Variants in GDPD4 observed in about 807,000 individuals in gnomAD.
GDPD4 encodes the protein glycerophosphodiester phosphodiesterase domain containing 4.
A neutral mutation model predicts 67.8 loss-of-function variants in GDPD4; 60 were observed. The observed-to-expected ratio is 0.88, with a 90% CI of 0.72 to 1.10. The LOEUF (loss-of-function observed/expected upper bound fraction) is 1.10, where lower values mean the gene tolerates loss of function less well. Ranked by LOEUF, GDPD4 falls within the 50% of genes least tolerant of loss-of-function variation. The pLI, the probability that GDPD4 is intolerant of heterozygous loss-of-function variation, is 0.00. For synonymous variants in GDPD4, 212 were observed against 210.9 expected (o/e 1.00, Z -0.04); for missense variants, 623 against 613.9 (o/e 1.01, Z -0.16).
chr11:77,218,297 T>TTTGA (rs1478667147), intron 16 of GDPD4, among the ~76,000 whole-genome samples: 1 of 152,226 alleles, frequency 6.6e-6, no homozygotes, highest in East Asian at 1.9e-4. Flanking sequence ...TGAAGGCTTT[T>TTTGA]TTGATTAAAG....
chr11:77,233,446 G>GAAAA (rs34507126), intron 13 of GDPD4, among the ~76,000 whole-genome samples: 8 of 100,392 alleles, frequency 8.0e-5, no homozygotes, highest in African/African-American at 1.3e-4. Flanking sequence ...AAAACATATT[G>GAAAA]AAAAAAAAAA....
chr11:77,237,364 CAATCT>C (rs1958587571), intron 13 of GDPD4, among the ~76,000 whole-genome samples: 1 of 152,080 alleles, frequency 6.6e-6, no homozygotes, highest in Non-Finnish European at 1.5e-5. Context: ...GTTTGATCTG[CAATCT>C]AATCCTTTGT....
intron 15 of GDPD4, 46 bp downstream of exon 15, chr11:77,229,100 TAATC>T (rs1194097397): frequency 4.8e-6 from 4 of 827,372 alleles, no homozygotes; most frequent in African/African-American, 1.7e-5. Context: ...TTTCCTATAA[TAATC>T]CATTTATTTT....
At chr11:77,261,296 G>C (rs139908223) in intron 10 of GDPD4, among the ~76,000 whole-genome samples, 1 of 151,596 alleles carries the variant, frequency 6.6e-6, no homozygotes, top group Non-Finnish European at 1.5e-5. Flanking sequence ...GGAGTGTAGC[G>C]GTGCCATCTC....
chr11:77,272,853 C>T (rs1353920959), intron 5 of GDPD4, among the ~76,000 whole-genome samples: 3 of 151,926 alleles, frequency 2.0e-5, no homozygotes, highest in Non-Finnish European at 2.9e-5. Flanking sequence ...TTTCCTCTCC[C>T]GTATTAGTAT....
intron 5 of GDPD4, among the ~76,000 whole-genome samples, chr11:77,272,647 A>T (rs1591566282): frequency 6.6e-6 from 1 of 152,176 alleles, no homozygotes; most frequent in South Asian, 2.1e-4. Flanking sequence ...GTGGTTGCAC[A>T]CAACTGTAGT....
At chr11:77,220,591 G>C (rs1257024482) in intron 16 of GDPD4, among the ~76,000 whole-genome samples, 1 of 152,188 alleles carries the variant, frequency 6.6e-6, no homozygotes, top group Non-Finnish European at 1.5e-5. Flanking sequence ...TTGATGTGCT[G>C]CTGGATTCGG....
intron 5 of GDPD4, among the ~76,000 whole-genome samples, chr11:77,272,533 T>C (rs961284572): frequency 6.6e-6 from 1 of 152,132 alleles, no homozygotes; most frequent in Non-Finnish European, 1.5e-5. Flanking sequence ...CCCAGCACTT[T>C]GGGAGGCTGA....
At chr11:77,295,362 C>T (rs1038362019) in intron 1 of GDPD4, among the ~76,000 whole-genome samples, 10 of 151,794 alleles carry the variant, frequency 6.6e-5, no homozygotes, top group African/African-American at 2.4e-4. Flanking sequence ...CCAGGTGTGG[C>T]AGGTCATGCC....
chr11:77,251,694 T>A (rs1165056333), intron 11 of GDPD4, among the ~76,000 whole-genome samples: 1 of 152,206 alleles, frequency 6.6e-6, no homozygotes, highest in Admixed American at 6.5e-5. Context: ...TGGGATTGAA[T>A]CTATTTGGGA....
chr11:77,276,317 G>T, intron 4 of GDPD4, 97 bp from the exon 5 acceptor site: 1 of 882,812 alleles, frequency 1.1e-6, no homozygotes, highest in Non-Finnish European at 1.9e-6. Flanking sequence ...TCACAGTCTA[G>T]CAGTACACTC....
At chr11:77,265,700 T>C (rs1352718884) in intron 10 of GDPD4, among the ~76,000 whole-genome samples, 1 of 152,176 alleles carries the variant, frequency 6.6e-6, no homozygotes. Flanking sequence ...CATGAACTTA[T>C]TTGTATATTT....
chr11:77,234,689 A>G (rs1958517133), intron 13 of GDPD4, among the ~76,000 whole-genome samples: 1 of 152,166 alleles, frequency 6.6e-6, no homozygotes, highest in African/African-American at 2.4e-5. Context: ...ATTCTTTCTT[A>G]TGGCTGCATA....
chr11:77,270,024 A>C lies in GDPD4; in HGVS notation c.401-64T>G, dbSNP rs1959200906. ...TGTCCCCTTTAAGCCCTTGCCCCAG[A>C]AATACTTTCTAAAATTTACCCTCCA... is the stretch of plus-strand genomic sequence containing the variant. On this transcript the variant is annotated intron_variant, in intron 7 of 16. Coordinates refer to ENST00000315938, the MANE Select transcript of GDPD4 (RefSeq NM_182833.3). 4 of 785,248 alleles carry C rather than the reference A, an allele frequency of 5.1e-6. No individual in the cohort carries two copies. The East Asian group carries it at 1.0e-4, about 20-fold the overall frequency. The allele number at this position is 785,248 out of a possible 1,614,324, so 48.6% of individuals were successfully genotyped here.
chr11:77,293,022 A>T (rs1272228341), intron 1 of GDPD4, among the ~76,000 whole-genome samples: 4 of 152,124 alleles, frequency 2.6e-5, no homozygotes, highest in African/African-American at 9.7e-5. Context: ...AAGAAAAAAA[A>T]CAACAACAAC....
Position 77,218,960 on chromosome 11 carries a change from C to T in GDPD4, c.1526-1646G>A, listed in dbSNP as rs568394860. Among the ~76,000 whole-genome samples, 26 of 152,312 alleles carry T rather than the reference C, an allele frequency of 1.7e-4. No individual in the cohort carries two copies. The East Asian group carries it at 3.7e-3, about 21-fold the overall frequency. On this transcript the variant is annotated intron_variant, in intron 16 of 16. Coordinates refer to ENST00000315938, the MANE Select transcript of GDPD4 (RefSeq NM_182833.3). ...TTCTAGTTCTAGATCCTCGAGGAAT[C>T]GCCACACTGTCTTCCACAATGGTTG...
At chr11:77,217,761 A>G (rs895183404) in intron 16 of GDPD4, among the ~76,000 whole-genome samples, 1 of 147,418 alleles carries the variant, frequency 6.8e-6, no homozygotes, top group Non-Finnish European at 1.5e-5. Context: ...AACAGAAAAA[A>G]AAATTAGATG....
chr11:77,245,415 A>G lies in GDPD4; in HGVS notation c.952T>C (p.Leu318=). ...TTTCTTTCCTTCTCTGCAAGTGTCAATAAATCAGCTAGTGTTGGAATTGAC... is the reference window on the plus strand; with the variant it reads ...TTTCTTTCCTTCTCTGCAAGTGTCAGTAAATCAGCTAGTGTTGGAATTGAC... ...NQSIPTLADL[L]TLAEKERKFV... Residue 318 remains leucine, a synonymous_variant, in exon 12 of 17, where the codon TTG becomes CTG. Transcript: ENST00000315938. The G allele has an allele frequency of 6.2e-7, 1 of 1,614,212 alleles. No individual in the cohort carries two copies. Among genetic ancestry groups the G allele is most frequent in the East Asian group, 2.2e-5 (1 of 44,890 alleles).
At chr11:77,268,782 C>A (rs1959191102) in intron 9 of GDPD4, 142 bp downstream of exon 9, 1 of 903,250 alleles carries the variant, frequency 1.1e-6, no homozygotes, top group Non-Finnish European at 1.7e-6. Flanking sequence ...TCAAGTCCAG[C>A]CTTTACAATG....
Sources: allele counts gnomAD v4.1 joint callset (sites outside exome capture counted in the v4.1 genomes callset), GRCh38; gene constraint gnomAD v4.1.1; transcripts MANE v1.5; gene names NCBI Gene and HGNC (gene_info 2026-07-23, HGNC 2026-07-21).